C1QTNF3: variants seen among roughly 807,000 people sequenced by gnomAD.
The protein encoded by C1QTNF3 is C1q and TNF related 3, also known as complement C1q tumor necrosis factor-related protein 3.
C1QTNF3 carries 26 observed loss-of-function variants against 32.6 expected under a neutral mutation model. The ratio of observed to expected loss-of-function variants is 0.80; its 90% confidence interval spans 0.58 to 1.11. C1QTNF3 has a LOEUF of 1.11. Ranked by LOEUF, C1QTNF3 falls within the 50% of genes least tolerant of loss-of-function variation. C1QTNF3 has a pLI of 0.00. For synonymous variants in C1QTNF3, 155 were observed against 146.0 expected (o/e 1.06, Z -0.44); for missense variants, 362 against 398.2 (o/e 0.91, Z 0.77).
the C1QTNF3 span, among the ~76,000 whole-genome samples, chr5:34,061,038 T>C: frequency 6.6e-6 from 1 of 152,216 alleles, no homozygotes; most frequent in African/African-American, 2.4e-5. Flanking sequence ...AGTTACTTCC[T>C]AGATACAATG....
the C1QTNF3 span, among the ~76,000 whole-genome samples, chr5:34,212,525 C>A: frequency 9.2e-5 from 14 of 151,998 alleles, no homozygotes; most frequent in African/African-American, 3.1e-4. Flanking sequence ...GGCTAATATC[C>A]AGAATCTACA....
chr5:34,047,264 G>T (rs1039490620), upstream of C1QTNF3, among the ~76,000 whole-genome samples: 1 of 152,264 alleles, frequency 6.6e-6, no homozygotes, highest in Non-Finnish European at 1.5e-5. Context: ...CAGTTAGGAC[G>T]TTGGCAGGGC....
chr5:34,165,401 A>C, the C1QTNF3 span: 2 of 152,254 alleles, frequency 1.3e-5, no homozygotes, highest in East Asian at 3.9e-4. Context: ...GTGTATATAT[A>C]TATGTATACG....
the C1QTNF3 span, among the ~76,000 whole-genome samples, chr5:34,208,105 T>TA: frequency 6.6e-6 from 1 of 152,170 alleles, no homozygotes; most frequent in African/African-American, 2.4e-5. Flanking sequence ...AAAGTGCTTT[T>TA]AAGCTCCTTC....
At chr5:34,108,079 CT>C in the C1QTNF3 span, among the ~76,000 whole-genome samples, 4 of 152,154 alleles carry the variant, frequency 2.6e-5, no homozygotes, top group Non-Finnish European at 4.4e-5. Flanking sequence ...TGAGCCCCCC[CT>C]CTCCTGCCCC....
chr5:34,210,879 T>C, the C1QTNF3 span, among the ~76,000 whole-genome samples: 2 of 152,118 alleles, frequency 1.3e-5, no homozygotes, highest in South Asian at 2.1e-4. Flanking sequence ...TATAACAATA[T>C]ACATTTTTTG....
chr5:34,025,278 A>G (rs576048286), intron 4 of C1QTNF3, among the ~76,000 whole-genome samples: 1 of 152,232 alleles, frequency 6.6e-6, no homozygotes, highest in Non-Finnish European at 1.5e-5. Context: ...ACATACACAC[A>G]CATAATTTTC....
At chr5:34,136,347 A>G in the C1QTNF3 span, among the ~76,000 whole-genome samples, 1 of 152,244 alleles carries the variant, frequency 6.6e-6, no homozygotes, top group Non-Finnish European at 1.5e-5. Flanking sequence ...AAGGAAACGA[A>G]CAGACACTTC....
At chr5:34,134,499 A>T in the C1QTNF3 span, among the ~76,000 whole-genome samples, 80,428 of 151,942 alleles carry the variant, frequency 0.53, 22,632 homozygotes, top group Non-Finnish European at 0.62. Flanking sequence ...AACACCGCTT[A>T]TAACCAAATA....
chr5:34,066,464 A>G, the C1QTNF3 span, among the ~76,000 whole-genome samples: 1 of 152,182 alleles, frequency 6.6e-6, no homozygotes, highest in African/African-American at 2.4e-5. Flanking sequence ...TTACAAGACA[A>G]CAATCAATTG....
chr5:34,082,733 G>A, the C1QTNF3 span, among the ~76,000 whole-genome samples: 3 of 151,614 alleles, frequency 2.0e-5, no homozygotes, highest in African/African-American at 4.9e-5. Context: ...AACAGACAAG[G>A]GTCAGCCAGT....
the C1QTNF3 span, among the ~76,000 whole-genome samples, chr5:34,129,327 A>T: frequency 3.3e-5 from 5 of 152,202 alleles, no homozygotes; most frequent in African/African-American, 1.2e-4. Flanking sequence ...GAAATAAGCC[A>T]GGCACAGAAA....
the C1QTNF3 span, among the ~76,000 whole-genome samples, chr5:34,060,394 T>C: frequency 6.6e-6 from 1 of 152,154 alleles, no homozygotes; most frequent in African/African-American, 2.4e-5. Flanking sequence ...GTGAAGATCA[T>C]AGGCAATTGT....
At chr5:34,145,212 T>C in the C1QTNF3 span, among the ~76,000 whole-genome samples, 1 of 152,050 alleles carries the variant, frequency 6.6e-6, no homozygotes, top group African/African-American at 2.4e-5. Flanking sequence ...AAAAGATACA[T>C]GAAACCAAGA....
the C1QTNF3 span, among the ~76,000 whole-genome samples, chr5:34,100,443 A>T: frequency 6.6e-6 from 1 of 151,854 alleles, no homozygotes; most frequent in South Asian, 2.1e-4. Flanking sequence ...TTGCATCAAC[A>T]AAATGGGCTT....
chr5:34,142,483 G>C, the C1QTNF3 span, among the ~76,000 whole-genome samples: 6 of 150,932 alleles, frequency 4.0e-5, no homozygotes, highest in Non-Finnish European at 8.9e-5. Context: ...TGCCAATGAT[G>C]AGAGGAGCTC....
the C1QTNF3 span, among the ~76,000 whole-genome samples, chr5:34,053,753 C>T: frequency 2.0e-5 from 3 of 152,142 alleles, no homozygotes; most frequent in Admixed American, 1.3e-4. Flanking sequence ...AGTAACATGC[C>T]CAAGGCAGTG....
the C1QTNF3 span, chr5:34,218,344 C>A: frequency 1.3e-5 from 2 of 150,952 alleles, no homozygotes; most frequent in South Asian, 2.1e-4. Flanking sequence ...TCCTATCCAT[C>A]ACCTGATGTG....
intron 4 of C1QTNF3, among the ~76,000 whole-genome samples, chr5:34,026,725 C>T (rs984787805): frequency 9.2e-5 from 14 of 152,082 alleles, no homozygotes; most frequent in South Asian, 2.1e-4. Context: ...CTAGAGCATA[C>T]GGCTGGTCTA....
Sources: gnomAD v4.1 joint callset for allele counts (sites outside exome capture counted in the v4.1 genomes callset) on GRCh38, gnomAD v4.1.1 for gene constraint, MANE v1.5 for transcripts, NCBI Gene and HGNC (gene_info 2026-07-23, HGNC 2026-07-21) for gene names.